Variants in ANKRD30B observed in about 807,000 individuals in gnomAD.
The protein encoded by ANKRD30B is ankyrin repeat domain-containing protein 30B.
Under a neutral mutation model 202.2 loss-of-function variants are expected in ANKRD30B, and 144 were observed. The observed-to-expected ratio is 0.71, with a 90% CI of 0.62 to 0.82. The LOEUF is 0.82. Among genes scored for constraint, ANKRD30B ranks in the 40% least tolerant of loss-of-function variants. ANKRD30B has a pLI of 0.00. For synonymous variants in ANKRD30B, 508 were observed against 561.3 expected (o/e 0.91, Z 1.34); for missense variants, 1,487 against 1,669.1 (o/e 0.89, Z 1.90).
the ANKRD30B span, among the ~76,000 whole-genome samples, chr18:14,896,087 G>GTTTTATATATATAT: frequency 1.3e-5 from 2 of 151,846 alleles, no homozygotes; most frequent in Admixed American, 1.3e-4. Context: ...TATAATGGAG[G>GTTTTATATATATAT]AACTGTGGGG....
Position 14,782,594 on chromosome 18 carries a change from A to T in ANKRD30B, c.1550A>T (p.Glu517Val), listed in dbSNP as rs759455049. 2 of 1,577,140 alleles carry T rather than the reference A, an allele frequency of 1.3e-6. No individual in the cohort carries two copies. Among genetic ancestry groups the T allele is most frequent in the African/African-American group, 2.7e-5 (2 of 73,160 alleles). Reference protein sequence around the residue: ...IPESMYQKVMEINREVEELPE... With the variant: ...IPESMYQKVMVINREVEELPE... ...GAGTCTATGTATCAGAAAGTAATGG[A>T]GATAAATAGAGAAGTAGAAGGTAAG... Residue 517 changes from glutamate to valine, a missense_variant, in exon 12 of 44, where the codon GAG (glutamate) becomes GTG (valine). This residue lies in a region of ANKRD30B where 889 missense variants were observed against 841.4 expected (regional missense o/e 1.06). Transcript: ENST00000690538.
chr18:14,922,148 G>A, the ANKRD30B span, among the ~76,000 whole-genome samples: 2 of 152,180 alleles, frequency 1.3e-5, no homozygotes, highest in Admixed American at 6.5e-5. Flanking sequence ...TTGGAGGAGA[G>A]AGAGAGTGGA....
chr18:14,781,992 A>T (rs1967778446), intron 11 of ANKRD30B, among the ~76,000 whole-genome samples: 1 of 152,186 alleles, frequency 6.6e-6, no homozygotes. Flanking sequence ...TTCCTTTATG[A>T]CTATTTTAAT....
chr18:14,774,318 T>C (rs1334702809), intron 9 of ANKRD30B, among the ~76,000 whole-genome samples: 1 of 152,200 alleles, frequency 6.6e-6, no homozygotes, highest in Non-Finnish European at 1.5e-5. Context: ...AAGCTCATAC[T>C]TGATTGACTG....
chr18:14,928,398 C>T, the ANKRD30B span, among the ~76,000 whole-genome samples: 2 of 152,120 alleles, frequency 1.3e-5, no homozygotes, highest in Non-Finnish European at 2.9e-5. Flanking sequence ...ACTGGTAGGC[C>T]GAATGACGAA....
At position 14,761,135 on chromosome 18, in the gene ANKRD30B, C is replaced by T. The variant is rs114378041; in HGVS notation, c.820+517C>T. Among the ~76,000 whole-genome samples, 448 of 152,254 alleles carry T rather than the reference C, an allele frequency of 2.9e-3. 4 individuals carry two copies. The highest frequency in any genetic ancestry group is 9.7e-3 in the African/African-American group (401 of 41,538). ...TTACAAGCCACAAAGAATTGAACATCTAATAATGGAGAGTAGGAATTAATA... is the reference window on the plus strand; with the variant it reads ...TTACAAGCCACAAAGAATTGAACATTTAATAATGGAGAGTAGGAATTAATA... On this transcript the variant is annotated intron_variant, in intron 6 of 43. Coordinates refer to ENST00000690538, the MANE Select transcript of ANKRD30B (RefSeq NM_001367607.2).
At chr18:14,934,538 A>C in the ANKRD30B span, among the ~76,000 whole-genome samples, 2 of 152,086 alleles carry the variant, frequency 1.3e-5, no homozygotes, top group Non-Finnish European at 2.9e-5. Context: ...CTGTTAAAAG[A>C]CCCTGGATGA....
intron 28 of ANKRD30B, among the ~76,000 whole-genome samples, chr18:14,810,386 C>T (rs1185428952): frequency 2.0e-5 from 3 of 151,218 alleles, no homozygotes; most frequent in Non-Finnish European, 2.9e-5. Flanking sequence ...TTCTGCTTTA[C>T]GTCATGTGGT....
chr18:14,920,853 T>C, the ANKRD30B span, among the ~76,000 whole-genome samples: 1 of 152,242 alleles, frequency 6.6e-6, no homozygotes, highest in Non-Finnish European at 1.5e-5. Flanking sequence ...AATTGACAAG[T>C]TACCAAGTGC....
chr18:14,779,753 C>A (rs1967601714), intron 10 of ANKRD30B, among the ~76,000 whole-genome samples: 4 of 152,152 alleles, frequency 2.6e-5, no homozygotes, highest in Non-Finnish European at 5.9e-5. Flanking sequence ...TTGCTTTTTG[C>A]ATTCTAATGA....
At chr18:14,876,440 T>C in the ANKRD30B span, among the ~76,000 whole-genome samples, 1 of 152,106 alleles carries the variant, frequency 6.6e-6, no homozygotes, top group Non-Finnish European at 1.5e-5. Context: ...TAGAAAAAAT[T>C]AGGGAAATGA....
chr18:14,871,801 G>A, the ANKRD30B span, among the ~76,000 whole-genome samples: 1 of 151,982 alleles, frequency 6.6e-6, no homozygotes, highest in African/African-American at 2.4e-5. Context: ...GAGGTGGGAG[G>A]AACAGTGGAG....
chr18:14,778,877 G>A (rs143290110), intron 10 of ANKRD30B, among the ~76,000 whole-genome samples: 232 of 152,208 alleles, frequency 1.5e-3, no homozygotes, highest in African/African-American at 5.3e-3. Flanking sequence ...CAGGGTCAAG[G>A]GAAAGCATTA....
the ANKRD30B span, among the ~76,000 whole-genome samples, chr18:14,919,195 G>C: frequency 6.6e-6 from 1 of 152,326 alleles, no homozygotes; most frequent in East Asian, 1.9e-4. Context: ...ACTTGCTAGT[G>C]TTCTTCAAAG....
rs200021815 is a variant in ANKRD30B, at chr18:14,763,991, G to A, written c.1126G>A (p.Ala376Thr). The A allele has an allele frequency of 4.4e-6, 7 of 1,593,414 alleles. No individual in the cohort carries two copies. Among genetic ancestry groups the A allele is most frequent in the Non-Finnish European group, 6.0e-6 (7 of 1,171,384 alleles). ...AACATCTGTAAAGACTGAATGCGTG[G>A]CAGGAGTAACACCTAATAAAACTGA... ...KETSVKTECVAGVTPNKTEVL... is the reference protein window; with the variant it reads ...KETSVKTECVTGVTPNKTEVL... Residue 376 changes from alanine (A) to threonine (T), a missense_variant, in exon 7 of 44, where the codon GCA becomes ACA. Ala to Thr is a moderately conservative substitution (Grantham distance 58, BLOSUM62 0). Transcript: ENST00000690538.
the ANKRD30B span, among the ~76,000 whole-genome samples, chr18:14,899,329 GC>G: frequency 6.6e-6 from 1 of 151,722 alleles, no homozygotes; most frequent in African/African-American, 2.4e-5. Context: ...ACCTCATATA[GC>G]ATGTGTAGAA....
chr18:14,751,156 AT>A (rs1913380436), intron 1 of ANKRD30B, among the ~76,000 whole-genome samples: 1 of 151,956 alleles, frequency 6.6e-6, no homozygotes, highest in Admixed American at 6.6e-5. Flanking sequence ...TATTAAACAC[AT>A]TTTTATTATA....
intron 4 of ANKRD30B, 95 bp downstream of exon 4, chr18:14,755,100 T>A: frequency 1.4e-6 from 1 of 692,682 alleles, no homozygotes; most frequent in Non-Finnish European, 2.2e-6. Context: ...AACATTTAGT[T>A]AAAATTATTA....
At chr18:14,881,940 A>G in the ANKRD30B span, among the ~76,000 whole-genome samples, 1 of 152,088 alleles carries the variant, frequency 6.6e-6, no homozygotes, top group African/African-American at 2.4e-5. Context: ...CAGTGGTGTC[A>G]GTTGTAATAT....
Sources: gnomAD v4.1 joint callset for allele counts (sites outside exome capture counted in the v4.1 genomes callset) on GRCh38, gnomAD v4.1.1 for gene constraint, gnomAD v4.1.1 regional missense constraint, MANE v1.5 for transcripts, NCBI Gene and HGNC (gene_info 2026-07-23, HGNC 2026-07-21) for gene names.